Variants in GBF1 observed in about 807,000 individuals in gnomAD.
The protein encoded by GBF1 is golgi brefeldin A resistant guanine nucleotide exchange factor 1.
In GBF1, 114 loss-of-function variants were observed where a neutral mutation model predicts 210.5. The observed-to-expected ratio is 0.54, with a 90% CI of 0.47 to 0.63. The LOEUF (loss-of-function observed/expected upper bound fraction) is 0.63, where lower values mean the gene tolerates loss of function less well. Ranked by LOEUF, GBF1 falls within the 30% of genes least tolerant of loss-of-function variation. The pLI, the probability that GBF1 is intolerant of heterozygous loss-of-function variation, is 0.00. For missense variants in GBF1, 1,851 were observed against 2,357.7 expected, an observed-to-expected ratio of 0.79 and a Z score of 4.45; for synonymous variants, 850 against 889.2, an observed-to-expected ratio of 0.96 and a Z score of 0.78.
At chr10:102,367,617 C>T in intron 21 of GBF1, 57 bp downstream of exon 21, 3 of 1,033,810 alleles carry the variant, frequency 2.9e-6, no homozygotes, top group South Asian at 2.5e-5. Flanking sequence ...ACATTGCTTC[C>T]TTTCCCAGTT....
chr10:102,277,339 A>C (rs559947311), intron 3 of GBF1, among the ~76,000 whole-genome samples: 3 of 151,990 alleles, frequency 2.0e-5, no homozygotes, highest in Non-Finnish European at 4.4e-5. Context: ...AGAAAAGTAC[A>C]TAAATAAATA....
At chr10:102,283,287 T>C (rs954562127) in intron 3 of GBF1, among the ~76,000 whole-genome samples, 2 of 152,198 alleles carry the variant, frequency 1.3e-5, no homozygotes, top group Non-Finnish European at 2.9e-5. Flanking sequence ...ATAGAAGCTG[T>C]GTTTGGACCC....
intron 3 of GBF1, among the ~76,000 whole-genome samples, chr10:102,316,808 T>C (rs1333280661): frequency 1.3e-5 from 2 of 152,216 alleles, no homozygotes; most frequent in Admixed American, 6.5e-5. Flanking sequence ...TATTCTTCTT[T>C]GTATATCCAA....
At position 102,366,979 on chromosome 10, in the gene GBF1, C is replaced by T. The variant is rs1589798576; in HGVS notation, c.2434-106C>T. ...GAGTTGGCAAGAGACTGGCCACTTT[C>T]TGGATGGTACCTCTCCTCTGTACTA... On this transcript the variant is annotated intron_variant, in intron 19 of 39. Transcript: ENST00000369983. The surrounding 1 kb of genome is among the most constrained non-coding windows in gnomAD (Gnocchi z 4.0). The T allele has an allele frequency of 3.2e-6, 4 of 1,262,846 alleles. No homozygotes were observed. The Admixed American group carries it at 8.6e-5, about 27-fold the overall frequency. The allele number at this position is 1,262,846 out of a possible 1,614,324, so 78.2% of individuals were successfully genotyped here. A position where few individuals can be genotyped will look rare whatever the true frequency, so the allele number is the denominator to read the frequency against.
chr10:102,365,296 T>G, intron 17 of GBF1, 101 bp from the exon 18 acceptor site: 9 of 829,254 alleles, frequency 1.1e-5, no homozygotes, highest in Admixed American at 2.1e-5. Context: ...CCTAGGAGCT[T>G]TTTAGCTGAC....
At chr10:102,380,145 C>T in intron 36 of GBF1, 104 bp from the exon 37 acceptor site, 1 of 816,952 alleles carries the variant, frequency 1.2e-6, no homozygotes, top group South Asian at 1.4e-5. Context: ...CATCTCTGAT[C>T]TAAGATTCTC....
chr10:102,377,931 CAA>C (rs1322615891), intron 33 of GBF1, among the ~76,000 whole-genome samples: 5 of 152,032 alleles, frequency 3.3e-5, no homozygotes, highest in African/African-American at 1.2e-4. Context: ...ACAAAAATGA[CAA>C]AAGTGGCTGG....
chr10:102,232,046 C>T, the GBF1 span: 19 of 1,604,362 alleles, frequency 1.2e-5, no homozygotes, highest in Admixed American at 1.7e-5. Flanking sequence ...GGCAGGGCTC[C>T]GGGCCTCTGC....
chr10:102,240,873 G>A (rs1016958629), upstream of GBF1, among the ~76,000 whole-genome samples: 1 of 152,200 alleles, frequency 6.6e-6, no homozygotes, highest in African/African-American at 2.4e-5. Flanking sequence ...GGCGCACCCC[G>A]GCTCCCAGCC....
intron 3 of GBF1, among the ~76,000 whole-genome samples, chr10:102,286,086 C>T (rs2075913349): frequency 6.6e-6 from 1 of 152,074 alleles, no homozygotes. Flanking sequence ...TTCATCCTAA[C>T]CATTTGATCA....
At chr10:102,331,600 G>T (rs2057336684) in intron 3 of GBF1, among the ~76,000 whole-genome samples, 1 of 151,992 alleles carries the variant, frequency 6.6e-6, no homozygotes, top group African/African-American at 2.4e-5. Context: ...CTGGGCAAGA[G>T]AGAGAGAAGA....
upstream of GBF1, among the ~76,000 whole-genome samples, chr10:102,241,703 T>C (rs754813489): frequency 4.6e-5 from 7 of 152,208 alleles, no homozygotes; most frequent in Non-Finnish European, 8.8e-5. The surrounding 1 kb of genome is among the most constrained non-coding windows in gnomAD (Gnocchi z 6.7). Flanking sequence ...CCCCGCCCTC[T>C]GGCCAATCAG....
chr10:102,265,702 T>G (rs1283471958), intron 3 of GBF1, among the ~76,000 whole-genome samples: 1 of 152,020 alleles, frequency 6.6e-6, no homozygotes, highest in Non-Finnish European at 1.5e-5. Context: ...AATGAATGAA[T>G]GAATGAATGA....
At chr10:102,274,868 C>T (rs909218087) in intron 3 of GBF1, among the ~76,000 whole-genome samples, 22 of 151,676 alleles carry the variant, frequency 1.5e-4, no homozygotes, top group East Asian at 3.9e-4. Context: ...CCCACCACCA[C>T]GCCAGACTAA....
chr10:102,341,232 T>C (rs1283907102), intron 3 of GBF1, among the ~76,000 whole-genome samples: 1 of 152,190 alleles, frequency 6.6e-6, no homozygotes. Flanking sequence ...ATTAGAGAAA[T>C]GCAAATTTAA....
At chr10:102,344,272 G>A in intron 4 of GBF1, 90 bp downstream of exon 4, 1 of 1,218,556 alleles carries the variant, frequency 8.2e-7, no homozygotes, top group South Asian at 1.3e-5. Context: ...GCTGGTGATA[G>A]TGGGAAATTT....
intron 3 of GBF1, among the ~76,000 whole-genome samples, chr10:102,323,404 G>A (rs1391946313): frequency 6.6e-6 from 1 of 152,112 alleles, no homozygotes; most frequent in African/African-American, 2.4e-5. Context: ...GATTGGAGGA[G>A]GAACATGTGA....
chr10:102,351,880 A>G lies in GBF1; in HGVS notation c.452A>G (p.His151Arg). 6.2e-7 allele frequency: 1 copy of G among 1,611,606 alleles called. No individual in the cohort carries two copies. Among genetic ancestry groups the G allele is most frequent in the Non-Finnish European group, 8.5e-7 (1 of 1,177,774 alleles). Residue 151 changes from histidine to arginine, a missense_variant, in exon 6 of 40, where the codon CAC becomes CGC. This residue lies in a region of GBF1 where 804 missense variants were observed against 958.6 expected (regional missense o/e 0.84). Coordinates refer to ENST00000369983, the MANE Select transcript of GBF1 (RefSeq NM_001377137.1). ...RTLLLTPVGA[H>R]LTNESVCEIM... ...CTGCTGCTAACCCCAGTGGGTGCCCACCTAACCAATGAATCTGTGTGTGAG... is the reference window on the plus strand; with the variant it reads ...CTGCTGCTAACCCCAGTGGGTGCCCGCCTAACCAATGAATCTGTGTGTGAG...
At chr10:102,246,413 G>A (rs2070836867) in intron 1 of GBF1, among the ~76,000 whole-genome samples, 1 of 152,140 alleles carries the variant, frequency 6.6e-6, no homozygotes, top group South Asian at 2.1e-4. Flanking sequence ...TATCTTCTGG[G>A]CCTGTTTGTT....
Sources: gnomAD v4.1 joint callset for allele counts (sites outside exome capture counted in the v4.1 genomes callset) on GRCh38, gnomAD v4.1.1 for gene constraint, gnomAD v4.1.1 regional missense constraint, Gnocchi (gnomAD v3.1) non-coding constraint, MANE v1.5 for transcripts, NCBI Gene and HGNC (gene_info 2026-07-23, HGNC 2026-07-21) for gene names.